Variants in NUSAP1 observed in about 807,000 individuals in gnomAD.
NUSAP1 encodes the protein nucleolar and spindle associated protein 1, also known as nucleolar and spindle-associated protein 1.
NUSAP1 carries 32 observed loss-of-function variants against 52.8 expected under a neutral mutation model. That is an observed-to-expected ratio of 0.61 (90% CI 0.46 to 0.81). NUSAP1 has a LOEUF of 0.81. Among genes scored for constraint, NUSAP1 ranks in the 40% least tolerant of loss-of-function variants. The pLI, the probability that NUSAP1 is intolerant of heterozygous loss-of-function variation, is 0.00. For missense variants in NUSAP1, 499 were observed against 522.3 expected (o/e 0.96, Z 0.43); for synonymous variants, 195 against 183.1 (o/e 1.06, Z -0.52).
chr15:41,371,516 G>C lies in NUSAP1; in HGVS notation c.849-11G>C, dbSNP rs2049687989. The C allele has an allele frequency of 1.3e-6, 2 of 1,588,694 alleles. No individual in the cohort carries two copies. Among genetic ancestry groups the C allele is most frequent in the African/African-American group, 1.4e-5 (1 of 73,120 alleles). On this transcript the variant is annotated splice_polypyrimidine_tract_variant and intron_variant, in intron 7 of 10. Transcript: ENST00000559596. ...CAGTACTCATGTCTTGTACTCTGCT[G>C]TCCTATTTAGGTTTTCAGCTGCTAC...
intron 1 of NUSAP1, among the ~76,000 whole-genome samples, chr15:41,337,924 C>CT (rs2048219826): frequency 7.4e-6 from 1 of 135,924 alleles, no homozygotes; most frequent in African/African-American, 2.9e-5. Flanking sequence ...TTTTTCTTTT[C>CT]TTTTTTCTTT....
In NUSAP1 at chr15:41,344,880, G is replaced by A. The variant is rs150333834; in HGVS notation, c.162+2426G>A. 5.0e-3 allele frequency among the ~76,000 whole-genome samples: 754 copies of A among 152,162 alleles called. 4 individuals are homozygous for A. The highest frequency in any genetic ancestry group is 6.8e-3 in the Middle Eastern group (2 of 294). ...TATTTGAACCTGGGATTCAGATGTC[G>A]CAGTGAGCCAAGATTACGCCGCTGC... is the stretch of plus-strand genomic sequence containing the variant. On this transcript the variant is annotated intron_variant, in intron 2 of 10. Coordinates refer to ENST00000559596, the MANE Select transcript of NUSAP1 (RefSeq NM_016359.5).
intron 7 of NUSAP1, among the ~76,000 whole-genome samples, chr15:41,367,222 A>C (rs1019129880): frequency 6.6e-6 from 1 of 152,160 alleles, no homozygotes; most frequent in Non-Finnish European, 1.5e-5. Flanking sequence ...GCTTCTCTGC[A>C]GGGGTGAGGC....
Position 41,377,199 on chromosome 15 carries a change from A to T in NUSAP1, c.1127A>T (p.Lys376Met). 6.8e-7 allele frequency: 1 copy of T among 1,464,934 alleles called. No homozygotes were observed. Among genetic ancestry groups the T allele is most frequent in the Non-Finnish European group, 9.2e-7 (1 of 1,082,748 alleles). The allele number at this position is 1,464,934 out of a possible 1,614,324, so 90.7% of individuals were successfully genotyped here. The change falls in exon 10 of 11, where the codon AAG becomes ATG. Residue 376 changes from lysine (K) to methionine (M), a missense_variant. Physicochemically the swap from Lys to Met is moderately conservative, Grantham distance 95. Coordinates refer to ENST00000559596, the MANE Select transcript of NUSAP1 (RefSeq NM_016359.5). The stretch of plus-strand genomic sequence containing the variant: ...CTTTGTCTCTGTCCTAAACTAGGAA[A>T]GCTAAAACCATGGGGGCAATCTAAA... Reference protein sequence around the residue: ...RPLNYEPHKGKLKPWGQSKEN... With the variant: ...RPLNYEPHKGMLKPWGQSKEN...
chr15:41,334,036 CTG>C (rs1487103096), intron 1 of NUSAP1, among the ~76,000 whole-genome samples: 1 of 152,228 alleles, frequency 6.6e-6, no homozygotes, highest in East Asian at 1.9e-4. Context: ...GCTATATACT[CTG>C]GAGGTTTCTC....
rs2050092060 is a variant in NUSAP1 at position 41,378,944 on chromosome 15, G to GTTTTGTTTTTTTT, written c.1233-1145_1233-1144insGTTTTTTTTTTTT. ...CCCAAGATTATATTAACTTATCTTG[G>GTTTTGTTTTTTTT]TTTTTTTTTTTTTTTTTTTTTTTTT... On this transcript the variant is annotated intron_variant, in intron 10 of 10. Coordinates refer to ENST00000559596, the MANE Select transcript of NUSAP1 (RefSeq NM_016359.5). 2.8e-4 allele frequency among the ~76,000 whole-genome samples: 18 copies of GTTTTGTTTTTTTT among 63,262 alleles called. 1 individual carries two copies. Among genetic ancestry groups the GTTTTGTTTTTTTT allele is most frequent in the African/African-American group, 1.3e-3 (18 of 14,276 alleles). The allele number at this position is 63,262 out of a possible 152,430, so 41.5% of individuals were successfully genotyped here. A position where few individuals can be genotyped will look rare whatever the true frequency, so the allele number is the denominator to read the frequency against.
At chr15:41,374,209 A>G (rs35213138) in intron 8 of NUSAP1, among the ~76,000 whole-genome samples, 3,222 of 152,298 alleles carry the variant, frequency 0.021, 59 homozygotes, top group South Asian at 0.063. Context: ...CTGCTATTAT[A>G]TAACAAAGCA....
chr15:41,347,916 A>G (rs1476350420), intron 2 of NUSAP1, among the ~76,000 whole-genome samples: 1 of 151,984 alleles, frequency 6.6e-6, no homozygotes, highest in Non-Finnish European at 1.5e-5. Context: ...TCAGCCTAGG[A>G]GTTCACAACC....
intron 7 of NUSAP1, among the ~76,000 whole-genome samples, chr15:41,367,889 T>G (rs1195873547): frequency 1.3e-5 from 2 of 151,978 alleles, no homozygotes; most frequent in Non-Finnish European, 2.9e-5. Context: ...GCATCTCCAC[T>G]CCCCTGATGC....
intron 6 of NUSAP1, among the ~76,000 whole-genome samples, chr15:41,363,967 A>G (rs1181086094): frequency 6.6e-6 from 1 of 151,980 alleles, no homozygotes; most frequent in Non-Finnish European, 1.5e-5. Context: ...AATTATTTGT[A>G]GATTCCACAT....
intron 1 of NUSAP1, among the ~76,000 whole-genome samples, chr15:41,338,657 A>G (rs1484240719): frequency 2.0e-5 from 3 of 152,118 alleles, no homozygotes; most frequent in East Asian, 1.9e-4. Context: ...AAAGAAAAAA[A>G]AGAGAGAGAG....
At chr15:41,357,678 A>G (rs2049023384) in intron 5 of NUSAP1, among the ~76,000 whole-genome samples, 1 of 151,980 alleles carries the variant, frequency 6.6e-6, no homozygotes, top group Non-Finnish European at 1.5e-5. Flanking sequence ...TCCTGACCTC[A>G]GGTGATCTGA....
intron 10 of NUSAP1, among the ~76,000 whole-genome samples, 178 bp downstream of exon 10, chr15:41,377,482 G>A (rs574115800): frequency 2.0e-5 from 3 of 152,056 alleles, no homozygotes; most frequent in East Asian, 3.9e-4. Context: ...GGCGGAACAC[G>A]AGGTCAGGAG....
chr15:41,368,113 G>C (rs193177679), intron 7 of NUSAP1, among the ~76,000 whole-genome samples: 2 of 152,090 alleles, frequency 1.3e-5, no homozygotes, highest in African/African-American at 2.4e-5. Flanking sequence ...CCTTTCTTGT[G>C]GGGGGATGAA....
At chr15:41,334,821 T>TA (rs2048059797) in intron 1 of NUSAP1, among the ~76,000 whole-genome samples, 1 of 152,160 alleles carries the variant, frequency 6.6e-6, no homozygotes, top group Admixed American at 6.5e-5. Flanking sequence ...GTCCTGGGAT[T>TA]ACAGGCGTGA....
intron 4 of NUSAP1, among the ~76,000 whole-genome samples, chr15:41,354,679 A>G (rs1370271327): frequency 1.3e-5 from 2 of 150,460 alleles, no homozygotes; most frequent in African/African-American, 4.9e-5. Flanking sequence ...CGATATATAT[A>G]TATATATATA....
chr15:41,340,258 T>G (rs1260256581), intron 1 of NUSAP1, among the ~76,000 whole-genome samples: 2 of 152,058 alleles, frequency 1.3e-5, no homozygotes, highest in Non-Finnish European at 2.9e-5. Flanking sequence ...CTGCTCGGAG[T>G]GCTCTTCACC....
At chr15:41,376,739 A>G (rs981170125) in intron 9 of NUSAP1, among the ~76,000 whole-genome samples, 4 of 151,048 alleles carry the variant, frequency 2.6e-5, no homozygotes, top group African/African-American at 9.7e-5. Context: ...AAAAAAAAGC[A>G]ACACATAAAC....
chr15:41,376,601 G>A (rs113136494), intron 9 of NUSAP1, among the ~76,000 whole-genome samples: 6,140 of 149,674 alleles, frequency 0.041, 244 homozygotes, highest in African/African-American at 0.11. Flanking sequence ...TGAGGTGGGA[G>A]AATGGTGTGA....
Sources: allele counts gnomAD v4.1 joint callset (sites outside exome capture counted in the v4.1 genomes callset), GRCh38; gene constraint gnomAD v4.1.1; transcripts MANE v1.5; gene names NCBI Gene and HGNC (gene_info 2026-07-23, HGNC 2026-07-21).